The following ATP13A5 variants were observed in gnomAD, a reference collection of about 807,000 sequenced individuals.
ATP13A5 encodes the protein probable cation-transporting ATPase 13A5.
ATP13A5 carries 149 observed loss-of-function variants against 150.2 expected under a neutral mutation model. That is an observed-to-expected ratio of 0.99 (90% CI 0.87 to 1.14). ATP13A5 has a LOEUF of 1.14. ATP13A5 is among the 50% of genes most tolerant of loss of function. ATP13A5 has a pLI of 0.00. For synonymous variants in ATP13A5, 497 were observed against 522.2 expected (o/e 0.95, Z 0.66); for missense variants, 1,383 against 1,449.3 (o/e 0.95, Z 0.74).
intron 13 of ATP13A5, among the ~76,000 whole-genome samples, chr3:193,326,714 T>C (rs888369096): frequency 2.3e-4 from 35 of 152,204 alleles, no homozygotes; most frequent in African/African-American, 8.0e-4. Flanking sequence ...TAATTAAGCA[T>C]GGTCTTCATT....
At chr3:193,281,750 C>T (rs547805679) in intron 27 of ATP13A5, among the ~76,000 whole-genome samples, 84 of 152,110 alleles carry the variant, frequency 5.5e-4, no homozygotes, top group African/African-American at 2.0e-3. Flanking sequence ...GTTAGCATAC[C>T]TGTATGCTAA....
intron 7 of ATP13A5, among the ~76,000 whole-genome samples, chr3:193,348,073 G>A (rs1168015418): frequency 6.6e-6 from 1 of 152,176 alleles, no homozygotes; most frequent in African/African-American, 2.4e-5. Flanking sequence ...ACACTGGAGT[G>A]GGATAATGTT....
At position 193,364,229 on chromosome 3, in the gene ATP13A5, C is replaced by G. The variant is rs776380026; in HGVS notation, c.115G>C (p.Ala39Pro). The G allele has an allele frequency of 3.7e-6, 6 of 1,614,100 alleles. No homozygotes were observed. The Admixed American group carries it at 1.0e-4, about 27-fold the overall frequency. The stretch of plus-strand genomic sequence containing the variant: ...AGGCCCCCACAGGTCAGCACGGATG[C>G]GACAAGGCAGAAGGCTTTCCGTACA... ...HNVRKAFCLV[A>P]SVLTCGGLLL... Residue 39 changes from alanine to proline, a missense_variant, in exon 2 of 30, where the codon GCA becomes CCA. Coordinates refer to ENST00000342358, the MANE Select transcript of ATP13A5 (RefSeq NM_198505.4).
intron 27 of ATP13A5, among the ~76,000 whole-genome samples, chr3:193,282,381 CT>C (rs200418162): frequency 6.7e-4 from 98 of 146,872 alleles, no homozygotes; most frequent in African/African-American, 1.2e-3. Flanking sequence ...GGATTAGTTT[CT>C]TTTTTTTTTT....
At chr3:193,275,351 G>C in intron 29 of ATP13A5, 49 bp from the exon 30 acceptor site, 1 of 1,593,234 alleles carries the variant, frequency 6.3e-7, no homozygotes, top group Non-Finnish European at 8.5e-7. Context: ...AGGTCCCCCT[G>C]CAGCCAGGCC....
chr3:193,354,377 T>C (rs1271480969), intron 5 of ATP13A5, among the ~76,000 whole-genome samples, 181 bp from the exon 6 acceptor site: 1 of 152,206 alleles, frequency 6.6e-6, no homozygotes, highest in Non-Finnish European at 1.5e-5. Flanking sequence ...TGAAAGTCAG[T>C]GTATGATGGA....
At chr3:193,334,693 T>C (rs1253957939) in intron 10 of ATP13A5, among the ~76,000 whole-genome samples, 1 of 152,216 alleles carries the variant, frequency 6.6e-6, no homozygotes, top group African/African-American at 2.4e-5. Context: ...AGCATAGTTT[T>C]ACCTTTGACA....
Position 193,360,028 on chromosome 3 carries a change from T to TTTTTTA in ATP13A5, c.536+2347_536+2352dup, listed in dbSNP as rs201723561. On this transcript the variant is annotated intron_variant, in intron 5 of 29. Transcript: ENST00000342358. Reference sequence around the variant, plus strand: ...TTGACTAGTTGAGGAATCAGGTAGGTTTTTTATTTTTATTTTTCCCTTATG... The same window carrying TTTTTTA: ...TTGACTAGTTGAGGAATCAGGTAGGTTTTTTATTTTTATTTTTATTTTTCCCTTATG... Among the ~76,000 whole-genome samples the TTTTTTA allele has an allele frequency of 2.8e-4, 42 of 152,266 alleles. No homozygotes were observed. The East Asian group carries it at 4.6e-3, about 17-fold the overall frequency.
In ATP13A5 at chr3:193,351,047, G is replaced by A. The variant is rs750321829; in HGVS notation, c.741+20C>T. On this transcript the variant is annotated intron_variant, in intron 7 of 29. Coordinates refer to ENST00000342358, the MANE Select transcript of ATP13A5 (RefSeq NM_198505.4). ...TTAGCTAGAAGCTAAATAGAATCTG[G>A]CTGTGATTTCAGGTCTTACCTGTCG... is the stretch of plus-strand genomic sequence containing the variant. 3 of 1,611,586 alleles carry A rather than the reference G, an allele frequency of 1.9e-6. No individual in the cohort carries two copies. The highest frequency in any genetic ancestry group is 1.1e-5 in the South Asian group (1 of 90,816).
chr3:193,293,890 A>C (rs1179955463), intron 25 of ATP13A5, among the ~76,000 whole-genome samples: 3 of 151,844 alleles, frequency 2.0e-5, no homozygotes, highest in African/African-American at 4.8e-5. Flanking sequence ...TCCCTCCTGC[A>C]CCTCCTTCTC....
intron 25 of ATP13A5, among the ~76,000 whole-genome samples, chr3:193,298,133 T>G (rs1406922002): frequency 1.3e-5 from 2 of 152,122 alleles, no homozygotes; most frequent in Non-Finnish European, 2.9e-5. Context: ...AGCCATGGCC[T>G]TCACCTCCAT....
chr3:193,368,256 C>A (rs1403077281), intron 1 of ATP13A5, among the ~76,000 whole-genome samples: 1 of 152,112 alleles, frequency 6.6e-6, no homozygotes. Flanking sequence ...TGTAATAATT[C>A]TAACAAAGTT....
chr3:193,281,314 T>C (rs1717483906), intron 27 of ATP13A5: 1 of 501,548 alleles, frequency 2.0e-6, no homozygotes, highest in South Asian at 8.5e-5. Context: ...TGTCTAATGG[T>C]CTAAAAACTA....
chr3:193,363,335 T>C lies in ATP13A5; in HGVS notation c.285A>G (p.Leu95=). 1 of 1,613,744 alleles carries C rather than the reference T, an allele frequency of 6.2e-7. No homozygotes were observed. Among genetic ancestry groups the C allele is most frequent in the Non-Finnish European group, 8.5e-7 (1 of 1,179,752 alleles). The part of the protein sequence containing the change: ...YMRKKVFCLY[L]STLKFPVSKK... Reference sequence around the variant, plus strand: ...TGCTTACAGGAAACTTCAGTGTGGATAAGTAGAGGCAGAATACCTTCTTCC... The same window carrying C: ...TGCTTACAGGAAACTTCAGTGTGGACAAGTAGAGGCAGAATACCTTCTTCC... The change falls in exon 3 of 30, where the codon TTA becomes TTG. Residue 95 remains leucine, a synonymous_variant. Coordinates refer to ENST00000342358, the MANE Select transcript of ATP13A5 (RefSeq NM_198505.4).
At chr3:193,325,433 G>A (rs1459008712) in intron 13 of ATP13A5, among the ~76,000 whole-genome samples, 1 of 152,182 alleles carries the variant, frequency 6.6e-6, no homozygotes, top group Non-Finnish European at 1.5e-5. Flanking sequence ...ATTTTCCACT[G>A]GCCAATCAAT....
At chr3:193,362,749 CCTTCTTTCTTT>C (rs1250464555) in intron 3 of ATP13A5, 112 bp from the exon 4 acceptor site, 2 of 890,134 alleles carry the variant, frequency 2.2e-6, no homozygotes, top group African/African-American at 3.4e-5. Flanking sequence ...CACTTGCTTT[CCTTCTTTCTTT>C]CTTTCTTTCT....
chr3:193,284,784 TCAA>T, intron 27 of ATP13A5, 127 bp downstream of exon 27: 1 of 801,356 alleles, frequency 1.2e-6, no homozygotes, highest in South Asian at 2.0e-5. Context: ...ACCACTGCAT[TCAA>T]CAACAATTTT....
intron 9 of ATP13A5, 48 bp downstream of exon 9, chr3:193,343,879 T>C: frequency 6.3e-7 from 1 of 1,586,380 alleles, no homozygotes; most frequent in Non-Finnish European, 8.6e-7. Flanking sequence ...TATGTTGATC[T>C]GATTAGATGT....
intron 21 of ATP13A5, among the ~76,000 whole-genome samples, chr3:193,310,078 G>C (rs1362250291): frequency 3.9e-5 from 6 of 152,016 alleles, no homozygotes; most frequent in Non-Finnish European, 8.8e-5. Flanking sequence ...GTGTCCATGT[G>C]TTCTCATCAT....
Sources: gnomAD v4.1 joint callset for allele counts (sites outside exome capture counted in the v4.1 genomes callset) on GRCh38, gnomAD v4.1.1 for gene constraint, MANE v1.5 for transcripts, NCBI Gene and HGNC (gene_info 2026-07-23, HGNC 2026-07-21) for gene names.